Variants in CENPP observed in about 807,000 individuals in gnomAD.
CENPP encodes centromere protein P.
Under a neutral mutation model 35.6 loss-of-function variants are expected in CENPP, and 24 were observed. The observed-to-expected ratio is 0.67, with a 90% confidence interval of 0.49 to 0.95. CENPP has a LOEUF of 0.95. Ranked by LOEUF, CENPP falls within the 40% of genes least tolerant of loss-of-function variation. The pLI is 0.00. For missense variants in CENPP, 332 were observed against 345.3 expected, an observed-to-expected ratio of 0.96 and a Z score of 0.31; for synonymous variants, 120 against 125.5, an observed-to-expected ratio of 0.96 and a Z score of 0.29.
intron 4 of CENPP, among the ~76,000 whole-genome samples, chr9:92,375,111 T>C (rs1175707964): frequency 6.6e-6 from 1 of 152,212 alleles, no homozygotes; most frequent in Admixed American, 6.5e-5. Context: ...TTGACTGTTA[T>C]TTCTCAAGAT....
intron 5 of CENPP, among the ~76,000 whole-genome samples, chr9:92,433,239 A>G (rs919847926): frequency 1.1e-4 from 16 of 152,206 alleles, no homozygotes; most frequent in African/African-American, 3.9e-4. Flanking sequence ...CACTCCTGTA[A>G]TAACAGCATC....
intron 5 of CENPP, among the ~76,000 whole-genome samples, chr9:92,426,980 G>C (rs1843984154): frequency 6.6e-6 from 1 of 152,094 alleles, no homozygotes; most frequent in Admixed American, 6.6e-5. Flanking sequence ...AAAGGAACCA[G>C]GGCTGCTCCT....
intron 5 of CENPP, among the ~76,000 whole-genome samples, chr9:92,427,355 G>T (rs1471869353): frequency 1.3e-5 from 2 of 152,088 alleles, no homozygotes; most frequent in African/African-American, 4.8e-5. Flanking sequence ...TAGAGACTGG[G>T]TTTCACCATG....
intron 5 of CENPP, chr9:92,505,719 A>C (rs1238201124): frequency 1.3e-6 from 2 of 1,508,758 alleles, no homozygotes; most frequent in Admixed American, 2.4e-5. Context: ...TTAGAATATT[A>C]GGATAATTGA....
chr9:92,506,182 A>G (rs761702626), intron 5 of CENPP, among the ~76,000 whole-genome samples: 5 of 152,216 alleles, frequency 3.3e-5, no homozygotes, highest in African/African-American at 4.8e-5. Context: ...TTCTTTTTCT[A>G]GGACACAGAA....
chr9:92,586,884 C>T (rs779692598), intron 5 of CENPP, among the ~76,000 whole-genome samples: 66 of 151,036 alleles, frequency 4.4e-4, no homozygotes, highest in Non-Finnish European at 6.2e-4. Context: ...ACCCTGAGGA[C>T]GGGAGAATTT....
chr9:92,517,581 A>G, intron 5 of CENPP: 1 of 1,473,110 alleles, frequency 6.8e-7, no homozygotes, highest in Non-Finnish European at 9.3e-7. Context: ...TTAAGTACTC[A>G]GATCTGACTA....
intron 5 of CENPP, among the ~76,000 whole-genome samples, chr9:92,524,952 G>T (rs966521903): frequency 1.3e-5 from 2 of 152,134 alleles, no homozygotes; most frequent in African/African-American, 4.8e-5. Flanking sequence ...CAAAGGAGAG[G>T]CATTGAAGGA....
intron 5 of CENPP, among the ~76,000 whole-genome samples, chr9:92,453,493 AT>A (rs904848934): frequency 1.3e-5 from 2 of 152,166 alleles, no homozygotes; most frequent in African/African-American, 4.8e-5. Context: ...GTTCTTTTAC[AT>A]TTGCTGAGGA....
intron 5 of CENPP, among the ~76,000 whole-genome samples, chr9:92,423,905 A>G (rs1299450744): frequency 6.6e-6 from 1 of 152,176 alleles, no homozygotes; most frequent in Non-Finnish European, 1.5e-5. Context: ...AGGAAGAGAA[A>G]GAGATTGATT....
At chr9:92,527,408 G>A (rs999144733) in intron 5 of CENPP, among the ~76,000 whole-genome samples, 4 of 152,176 alleles carry the variant, frequency 2.6e-5, no homozygotes, top group African/African-American at 7.2e-5. Flanking sequence ...AGGAGCAATA[G>A]GCTCTACCAT....
chr9:92,581,624 AG>A (rs1850428199), intron 5 of CENPP, among the ~76,000 whole-genome samples: 1 of 152,224 alleles, frequency 6.6e-6, no homozygotes, highest in Non-Finnish European at 1.5e-5. Context: ...AGTGAAATAA[AG>A]AGAATGTTAG....
chr9:92,431,455 T>G (rs1844107034), intron 5 of CENPP, among the ~76,000 whole-genome samples: 1 of 152,244 alleles, frequency 6.6e-6, no homozygotes, highest in African/African-American at 2.4e-5. Context: ...ACATTGTGAT[T>G]TTAACTTCCA....
intron 4 of CENPP, among the ~76,000 whole-genome samples, chr9:92,364,308 CA>C (rs1841834007): frequency 6.6e-6 from 1 of 152,122 alleles, no homozygotes; most frequent in African/African-American, 2.4e-5. Flanking sequence ...GCTGGGATTA[CA>C]GATGTGAGCC....
intron 5 of CENPP, among the ~76,000 whole-genome samples, chr9:92,492,144 T>G (rs750650356): frequency 1.3e-5 from 2 of 152,220 alleles, no homozygotes; most frequent in South Asian, 4.1e-4. Flanking sequence ...TTAGTAAAAT[T>G]AGAGAAACCA....
chr9:92,474,641 A>C, intron 5 of CENPP: 1 of 1,612,892 alleles, frequency 6.2e-7, no homozygotes, highest in Non-Finnish European at 8.5e-7. Flanking sequence ...TGAGCAATGT[A>C]CAACTCGTGA....
At chr9:92,512,114 G>A in intron 5 of CENPP, 1 of 1,613,460 alleles carries the variant, frequency 6.2e-7, no homozygotes, top group Non-Finnish European at 8.5e-7. Context: ...TGGGATGGAG[G>A]CGATGGAATT....
chr9:92,525,134 A>C (rs910139012), intron 5 of CENPP, among the ~76,000 whole-genome samples: 2 of 152,150 alleles, frequency 1.3e-5, no homozygotes, highest in Non-Finnish European at 2.9e-5. Context: ...AGTAAGGAAC[A>C]TAGCAAGACC....
At chr9:92,523,361 A>G (rs1848195399) in intron 5 of CENPP, among the ~76,000 whole-genome samples, 1 of 152,196 alleles carries the variant, frequency 6.6e-6, no homozygotes. Flanking sequence ...TGTCATACCT[A>G]TTCAGCTCTG....
Sources: gnomAD v4.1 joint callset for allele counts (sites outside exome capture counted in the v4.1 genomes callset) on GRCh38, gnomAD v4.1.1 for gene constraint, MANE v1.5 for transcripts, NCBI Gene and HGNC (gene_info 2026-07-23, HGNC 2026-07-21) for gene names.